The following PIGN variants were observed in gnomAD, a reference collection of about 807,000 sequenced individuals.
PIGN encodes phosphatidylinositol glycan anchor biosynthesis class N.
A neutral mutation model predicts 125.4 loss-of-function variants in PIGN; 117 were observed. The ratio of observed to expected loss-of-function variants is 0.93; its 90% CI spans 0.80 to 1.09. The LOEUF (loss-of-function observed/expected upper bound fraction) is 1.09. Ranked by LOEUF, PIGN falls within the 50% of genes least tolerant of loss-of-function variation. PIGN has a pLI of 0.00. For missense variants in PIGN, 1,075 were observed against 1,094.9 expected (o/e 0.98, Z 0.26); for synonymous variants, 392 against 377.8 (o/e 1.04, Z -0.44).
intron 30 of PIGN, among the ~76,000 whole-genome samples, chr18:62,070,928 C>G (rs2032809366): frequency 1.3e-5 from 2 of 152,098 alleles, no homozygotes; most frequent in South Asian, 4.1e-4. Context: ...GCCTTAGCCT[C>G]CTGAGTAGCT....
intron 30 of PIGN, among the ~76,000 whole-genome samples, chr18:62,061,511 CAAAAAA>C (rs373391589): frequency 2.3e-3 from 77 of 33,224 alleles, no homozygotes; most frequent in African/African-American, 6.0e-3. Context: ...GACTCCGTCT[CAAAAAA>C]AAAAAAAAAA....
intron 23 of PIGN, among the ~76,000 whole-genome samples, chr18:62,031,614 C>A (rs763003579): frequency 2.6e-5 from 4 of 152,278 alleles, no homozygotes; most frequent in Non-Finnish European, 4.4e-5. Context: ...GGTCAGGGAC[C>A]ATCCTCCCCA....
rs544478901 is a variant in PIGN at position 62,173,575 on chromosome 18, C to T, written c.-235-9919G>A. Among the ~76,000 whole-genome samples, 3 of 152,186 alleles carry T rather than the reference C, an allele frequency of 2.0e-5. No homozygotes were observed. In the East Asian group the frequency reaches 5.8e-4, roughly 29 times the overall value. On this transcript the variant is annotated intron_variant, in intron 1 of 30. Coordinates refer to ENST00000640252, the MANE Select transcript of PIGN (RefSeq NM_176787.5). ...ATGCACTTGGAGATCATGTCCTTAGCGGATTCTGGCATTAGGTACATTACT... is the reference window on the plus strand; with the variant it reads ...ATGCACTTGGAGATCATGTCCTTAGTGGATTCTGGCATTAGGTACATTACT...
chr18:62,159,281 G>A (rs1207728435), intron 4 of PIGN, among the ~76,000 whole-genome samples: 1 of 152,018 alleles, frequency 6.6e-6, no homozygotes, highest in East Asian at 1.9e-4. Context: ...TTCAAAAACA[G>A]GCTTAGAAGA....
At chr18:62,078,497 G>C (rs2033286723) in intron 28 of PIGN, among the ~76,000 whole-genome samples, 1 of 152,160 alleles carries the variant, frequency 6.6e-6, no homozygotes. Flanking sequence ...TGGCTCTACT[G>C]ACTCTCAGAG....
At chr18:62,070,224 C>T in intron 30 of PIGN, 1 of 393,102 alleles carries the variant, frequency 2.5e-6, no homozygotes, top group Non-Finnish European at 4.5e-6. Flanking sequence ...GAGATTCAAA[C>T]CCAGGCGCTC....
intron 23 of PIGN, among the ~76,000 whole-genome samples, chr18:62,095,070 T>C (rs1159267348): frequency 6.6e-6 from 1 of 152,218 alleles, no homozygotes; most frequent in African/African-American, 2.4e-5. Flanking sequence ...TCTCATAGCA[T>C]AATGGTGAAT....
intron 30 of PIGN, among the ~76,000 whole-genome samples, chr18:62,055,040 A>G (rs1258567300): frequency 6.6e-6 from 1 of 152,244 alleles, no homozygotes; most frequent in African/African-American, 2.4e-5. Flanking sequence ...AAATATTGAC[A>G]GCACCAAATG....
Position 62,044,429 on chromosome 18 carries a change from A to T in PIGN, c.*1427T>A, listed in dbSNP as rs1318543560. On this transcript the variant is annotated 3_prime_UTR_variant, in exon 31 of 31. Coordinates refer to ENST00000640252, the MANE Select transcript of PIGN (RefSeq NM_176787.5). Reference sequence around the variant, plus strand: ...CATTCCATCAACATCACTGTTTGCTACCATAGCTTCTTAGTTGTCCAGCTA... The same window carrying T: ...CATTCCATCAACATCACTGTTTGCTTCCATAGCTTCTTAGTTGTCCAGCTA... The T allele has an allele frequency of 6.6e-6, 1 of 152,198 alleles. No homozygotes were observed. The highest frequency in any genetic ancestry group is 1.5e-5 in the Non-Finnish European group (1 of 68,030). The allele number at this position is 152,198 out of a possible 1,614,324, so 9.4% of individuals were successfully genotyped here. A position where few individuals can be genotyped will look rare whatever the true frequency, so the allele number is the denominator to read the frequency against.
chr18:62,087,201 C>T (rs1243881210), intron 25 of PIGN, among the ~76,000 whole-genome samples: 1 of 152,014 alleles, frequency 6.6e-6, no homozygotes, highest in Non-Finnish European at 1.5e-5. Context: ...GGCTGAAGAT[C>T]AGGCAAAGGA....
chr18:62,165,522 G>A (rs2037102013), intron 1 of PIGN, among the ~76,000 whole-genome samples: 2 of 151,948 alleles, frequency 1.3e-5, no homozygotes, highest in Admixed American at 1.3e-4. Flanking sequence ...GGATATGGGG[G>A]GACGTAAAGC....
intron 1 of PIGN, among the ~76,000 whole-genome samples, chr18:62,184,949 G>A (rs1364223379): frequency 6.6e-6 from 1 of 152,144 alleles, no homozygotes; most frequent in Non-Finnish European, 1.5e-5. Flanking sequence ...TTTGATAGAC[G>A]AATGCAAGTG....
intron 28 of PIGN, among the ~76,000 whole-genome samples, chr18:62,080,505 G>C (rs1435022029): frequency 6.6e-6 from 1 of 152,180 alleles, no homozygotes; most frequent in Non-Finnish European, 1.5e-5. Flanking sequence ...TAGAGACATA[G>C]TCAGAAATCT....
Position 62,105,540 on chromosome 18 carries a change from T to C in PIGN, c.1859+3A>G. 2 of 1,480,206 alleles carry C rather than the reference T, an allele frequency of 1.4e-6. No homozygotes were observed. Among genetic ancestry groups the C allele is most frequent in the Non-Finnish European group, 1.8e-6 (2 of 1,082,022 alleles). 91.7% of individuals were successfully genotyped at this position (1,480,206 alleles called of 1,614,324 possible). A position where few individuals can be genotyped will look rare whatever the true frequency, so the allele number is the denominator to read the frequency against. ...ATAGAATAAAATACAATATTATTCATACACTAGAGAGATGTCTGGCTTTCG... is the reference window on the plus strand; with the variant it reads ...ATAGAATAAAATACAATATTATTCACACACTAGAGAGATGTCTGGCTTTCG... On this transcript the variant is annotated splice_donor_region_variant and intron_variant, in intron 20 of 30. Coordinates refer to ENST00000640252, the MANE Select transcript of PIGN (RefSeq NM_176787.5).
Position 62,088,815 on chromosome 18 carries a change from T to C in PIGN, c.2311A>G (p.Thr771Ala). Residue 771 changes from threonine (T) to alanine (A), a missense_variant, in exon 25 of 31, where the codon ACT becomes GCT. By Grantham distance (58) the Thr-to-Ala change is moderately conservative (BLOSUM62 0). Around this residue, in one of 3 missense-constraint regions of PIGN, gnomAD observed 915 missense variants for 908.7 expected, o/e 1.01. Coordinates refer to ENST00000640252, the MANE Select transcript of PIGN (RefSeq NM_176787.5). ...KLTSIQFSYN[T>A]DITQFRQLYL... Reference sequence around the variant, plus strand: ...AGCTGTCGAAACTGAGTTATATCAGTATTATAAGAGAACTGGATACTGGTG... The same window carrying C: ...AGCTGTCGAAACTGAGTTATATCAGCATTATAAGAGAACTGGATACTGGTG... The C allele has an allele frequency of 1.3e-6, 2 of 1,555,744 alleles. No homozygotes were observed. Among genetic ancestry groups the C allele is most frequent in the Middle Eastern group, 1.7e-4 (1 of 5,988 alleles).
intron 30 of PIGN, among the ~76,000 whole-genome samples, chr18:62,047,163 C>A (rs1268046367): frequency 6.6e-6 from 1 of 152,246 alleles, no homozygotes; most frequent in African/African-American, 2.4e-5. Flanking sequence ...TGGCTCCACC[C>A]CTACCTATTC....
chr18:62,099,272 C>T (rs563514090), intron 22 of PIGN, among the ~76,000 whole-genome samples: 12 of 152,122 alleles, frequency 7.9e-5, no homozygotes, highest in South Asian at 2.1e-4. Context: ...TCTAGAGTTG[C>T]AATCCTGATA....
intron 29 of PIGN, among the ~76,000 whole-genome samples, chr18:62,074,391 TTTCC>T (rs1205545652): frequency 5.3e-5 from 8 of 152,332 alleles, no homozygotes; most frequent in Middle Eastern, 6.8e-3. Flanking sequence ...GTATTTCCTG[TTTCC>T]TTCCTTCCTT....
chr18:62,056,171 T>C (rs1020290460), intron 30 of PIGN, among the ~76,000 whole-genome samples: 57 of 148,858 alleles, frequency 3.8e-4, no homozygotes, highest in African/African-American at 1.4e-3. Flanking sequence ...AAAACCAAAA[T>C]GCCAAAGGAA....
Sources: allele counts gnomAD v4.1 joint callset (sites outside exome capture counted in the v4.1 genomes callset), GRCh38; gene constraint gnomAD v4.1.1; regional missense constraint gnomAD v4.1.1; transcripts MANE v1.5; gene names NCBI Gene and HGNC (gene_info 2026-07-23, HGNC 2026-07-21).